The following TBC1D4 variants were observed in gnomAD, a reference collection of about 807,000 sequenced individuals.
TBC1D4 encodes the protein TBC1 domain family member 4.
Under a neutral mutation model 142.5 loss-of-function variants are expected in TBC1D4, and 121 were observed. The observed-to-expected ratio is 0.85, with a 90% confidence interval of 0.73 to 0.99. TBC1D4 has a LOEUF of 0.99. Ranked by LOEUF, TBC1D4 falls within the 50% of genes least tolerant of loss-of-function variation. The pLI is 0.00. For synonymous variants in TBC1D4, 630 were observed against 628.2 expected, an observed-to-expected ratio of 1.00 and a Z score of -0.04; for missense variants, 1,475 against 1,606.6, an observed-to-expected ratio of 0.92 and a Z score of 1.40.
intron 19 of TBC1D4, among the ~76,000 whole-genome samples, chr13:75,291,463 G>C (rs867135394): frequency 3.3e-5 from 5 of 152,160 alleles, no homozygotes; most frequent in Non-Finnish European, 5.9e-5. Flanking sequence ...AGCTGTGTTG[G>C]ATTGCCTTAC....
chr13:75,356,892 A>G (rs994507231), intron 3 of TBC1D4, among the ~76,000 whole-genome samples: 7 of 152,188 alleles, frequency 4.6e-5, no homozygotes, highest in Admixed American at 3.9e-4. Flanking sequence ...ATTTTCATTC[A>G]GTCTGAATGT....
intron 1 of TBC1D4, among the ~76,000 whole-genome samples, chr13:75,428,766 GC>G (rs1221834808): frequency 6.6e-6 from 1 of 152,206 alleles, no homozygotes; most frequent in Non-Finnish European, 1.5e-5. Flanking sequence ...TTGGACAGAG[GC>G]TTGCCGCAAA....
At chr13:75,416,134 T>C (rs1428134350) in intron 1 of TBC1D4, among the ~76,000 whole-genome samples, 1 of 152,232 alleles carries the variant, frequency 6.6e-6, no homozygotes, top group Non-Finnish European at 1.5e-5. Flanking sequence ...TGTGGCATTC[T>C]TTCCTTTATT....
intron 1 of TBC1D4, among the ~76,000 whole-genome samples, chr13:75,428,632 A>T (rs890582658): frequency 6.6e-6 from 1 of 152,208 alleles, no homozygotes; most frequent in Admixed American, 6.5e-5. Context: ...AAATATAACA[A>T]CTGAGGAGCA....
chr13:75,459,969 C>G (rs1220071276), intron 1 of TBC1D4, among the ~76,000 whole-genome samples: 1 of 151,914 alleles, frequency 6.6e-6, no homozygotes, highest in Non-Finnish European at 1.5e-5. Flanking sequence ...GGTGAAAACT[C>G]GTCTCTACTA....
intron 11 of TBC1D4, among the ~76,000 whole-genome samples, chr13:75,322,826 A>G (rs971032615): frequency 2.0e-5 from 3 of 152,176 alleles, no homozygotes; most frequent in Non-Finnish European, 4.4e-5. Flanking sequence ...TTCATATTCT[A>G]TATATCTTAT....
intron 17 of TBC1D4, 90 bp from the exon 18 acceptor site, chr13:75,295,103 A>G: frequency 8.1e-7 from 1 of 1,238,982 alleles, no homozygotes; most frequent in Admixed American, 2.0e-5. Flanking sequence ...CTAATATTTA[A>G]TAACAAATTC....
chr13:75,379,242 AT>A (rs1357719187), intron 1 of TBC1D4, among the ~76,000 whole-genome samples: 1 of 151,952 alleles, frequency 6.6e-6, no homozygotes, highest in African/African-American at 2.4e-5. Flanking sequence ...ACAAACGTGA[AT>A]TTTTATACAT....
At chr13:75,468,513 CT>C (rs1196167786) in intron 1 of TBC1D4, among the ~76,000 whole-genome samples, 2 of 151,598 alleles carry the variant, frequency 1.3e-5, no homozygotes, top group East Asian at 3.9e-4. Context: ...AGCAAACTTC[CT>C]ATGTTTTGAT....
intron 1 of TBC1D4, among the ~76,000 whole-genome samples, chr13:75,398,086 G>A (rs1884892992): frequency 6.6e-6 from 1 of 152,200 alleles, no homozygotes; most frequent in Non-Finnish European, 1.5e-5. Flanking sequence ...AGGTGTTTGA[G>A]CCACTCAGTC....
chr13:75,445,726 T>C (rs1000126408), intron 1 of TBC1D4, among the ~76,000 whole-genome samples: 1 of 152,150 alleles, frequency 6.6e-6, no homozygotes, highest in African/African-American at 2.4e-5. Context: ...AGATAGAAAA[T>C]GTTTCAAGTC....
chr13:75,449,521 A>C (rs1887439776), intron 1 of TBC1D4, among the ~76,000 whole-genome samples: 1 of 136,098 alleles, frequency 7.3e-6, no homozygotes. Context: ...GAAACCTGAA[A>C]GTGAAACTGC....
At chr13:75,410,090 T>G (rs1885561287) in intron 1 of TBC1D4, among the ~76,000 whole-genome samples, 1 of 152,224 alleles carries the variant, frequency 6.6e-6, no homozygotes, top group African/African-American at 2.4e-5. Context: ...CTCAGAGTAT[T>G]GTTGTGAGGT....
chr13:75,466,058 T>C (rs745565853), intron 1 of TBC1D4, among the ~76,000 whole-genome samples: 6 of 152,202 alleles, frequency 3.9e-5, no homozygotes, highest in Non-Finnish European at 5.9e-5. Context: ...ATCTTGGGCA[T>C]ATGTTTTCAG....
intron 1 of TBC1D4, among the ~76,000 whole-genome samples, chr13:75,386,597 C>T (rs9530430): frequency 0.98 from 149,735 of 152,070 alleles, 73,761 homozygotes; most frequent in East Asian, 1. Flanking sequence ...ACCACATTAG[C>T]CAGGATGGTC....
rs892646249 is a variant in TBC1D4 at position 75,285,476 on chromosome 13, G to A, written c.*1316C>T. The stretch of plus-strand genomic sequence containing the variant: ...ATCATAGAATCATCTCTGAAAAAGA[G>A]AACTGCAAATGTACTTTGAAAATTA... On this transcript the variant is annotated 3_prime_UTR_variant, in exon 21 of 21. Coordinates refer to ENST00000377636, the MANE Select transcript of TBC1D4 (RefSeq NM_014832.5). The A allele has an allele frequency of 6.6e-6, 1 of 152,406 alleles. No homozygotes were observed. The highest frequency in any genetic ancestry group is 1.5e-5 in the Non-Finnish European group (1 of 68,034). The allele number at this position is 152,406 out of a possible 1,614,324, so 9.4% of individuals were successfully genotyped here.
At chr13:75,439,429 A>G (rs568121202) in intron 1 of TBC1D4, among the ~76,000 whole-genome samples, 1 of 152,292 alleles carries the variant, frequency 6.6e-6, no homozygotes, top group South Asian at 2.1e-4. Context: ...TGCAAATCGT[A>G]TGTTCACTCG....
intron 8 of TBC1D4, among the ~76,000 whole-genome samples, chr13:75,331,462 T>G (rs1044352019): frequency 1.3e-5 from 2 of 152,158 alleles, no homozygotes; most frequent in African/African-American, 4.8e-5. Flanking sequence ...ATCACACCAC[T>G]GCAGTCCAGC....
chr13:75,285,910 G>A lies in TBC1D4; in HGVS notation c.*882C>T, dbSNP rs1436739323. On this transcript the variant is annotated 3_prime_UTR_variant, in exon 21 of 21. Coordinates refer to ENST00000377636, the MANE Select transcript of TBC1D4 (RefSeq NM_014832.5). ...TGGTGACTGTGGCACCAAATAAAGA[G>A]GAATTCATTCACAACTGAATGAGTT... is the stretch of plus-strand genomic sequence containing the variant. 6.6e-6 allele frequency: 1 copy of A among 152,526 alleles called. No individual in the cohort carries two copies. Among genetic ancestry groups the A allele is most frequent in the Non-Finnish European group, 1.5e-5 (1 of 68,024 alleles). The allele number at this position is 152,526 out of a possible 1,614,324, so 9.4% of individuals were successfully genotyped here. A position where few individuals can be genotyped will look rare whatever the true frequency, so the allele number is the denominator to read the frequency against.
Sources: allele counts gnomAD v4.1 joint callset (sites outside exome capture counted in the v4.1 genomes callset), GRCh38; gene constraint gnomAD v4.1.1; transcripts MANE v1.5; gene names NCBI Gene and HGNC (gene_info 2026-07-23, HGNC 2026-07-21).